Variants in IQSEC1 observed in about 807,000 individuals in gnomAD.
The protein encoded by IQSEC1 is IQ motif and Sec7 domain ArfGEF 1.
In IQSEC1, 31 loss-of-function variants were observed where a neutral mutation model predicts 91.0. That is an observed-to-expected ratio of 0.34 (90% CI 0.26 to 0.46). The LOEUF (loss-of-function observed/expected upper bound fraction) is 0.46, where lower values mean the gene tolerates loss of function less well. Among genes scored for constraint, IQSEC1 ranks in the 20% least tolerant of loss-of-function variants. The pLI is 1.00. For synonymous variants in IQSEC1, 699 were observed against 662.6 expected (o/e 1.05, Z -0.84); for missense variants, 1,388 against 1,575.6 (o/e 0.88, Z 2.02).
At chr3:13,152,228 G>A (rs1361922452) in intron 2 of IQSEC1, among the ~76,000 whole-genome samples, 2 of 152,150 alleles carry the variant, frequency 1.3e-5, no homozygotes, top group Non-Finnish European at 2.9e-5. Flanking sequence ...CTTTGACCTA[G>A]TAATTCTACT....
chr3:13,183,436 C>T (rs1240645090), intron 1 of IQSEC1, among the ~76,000 whole-genome samples: 2 of 143,194 alleles, frequency 1.4e-5, no homozygotes, highest in South Asian at 2.1e-4. Flanking sequence ...CATGGTGGTG[C>T]AGGCCTGTGG....
At chr3:12,986,268 C>T (rs1175708676) in intron 1 of IQSEC1, among the ~76,000 whole-genome samples, 2 of 152,190 alleles carry the variant, frequency 1.3e-5, no homozygotes, top group Non-Finnish European at 2.9e-5. Flanking sequence ...TTTGTCCCGA[C>T]TTTTTCCCCA....
chr3:12,967,297 AC>A lies in IQSEC1; in HGVS notation c.24-25433del, dbSNP rs1700641489. On this transcript the variant is annotated intron_variant, in intron 1 of 13. Transcript: ENST00000613206. This position sits in a 1 kb window ranked among gnomAD's most constrained non-coding sequence, Gnocchi z 5.9. Reference sequence around the variant, plus strand: ...CGCCGGGCGCCCGGTCCCGACGGTCACCCGCACTCCCGCACAGGCATCCCCA... The same window carrying A: ...CGCCGGGCGCCCGGTCCCGACGGTCACCGCACTCCCGCACAGGCATCCCCA... 1 of 1,169,294 alleles carries A rather than the reference AC, an allele frequency of 8.6e-7. No homozygotes were observed. The highest frequency in any genetic ancestry group is 1.2e-6 in the Non-Finnish European group (1 of 848,266). 72.4% of individuals were successfully genotyped at this position (1,169,294 alleles called of 1,614,324 possible).
At position 12,920,561 on chromosome 3, in the gene IQSEC1, C is replaced by T. The variant is rs1053747701; in HGVS notation, c.1889G>A (p.Arg630Gln). 4.3e-6 allele frequency: 7 copies of T among 1,614,124 alleles called. No homozygotes were observed. The highest frequency in any genetic ancestry group is 1.1e-5 in the South Asian group (1 of 91,088). ...RYCICNPGVV[R>Q]QFRNPDTIFI... ...AATGGTGTCTGGGTTCCGGAATTGC[C>T]GCACCACCCCAGGGTTGCAGATGCA... Residue 630 changes from arginine to glutamine, a missense_variant, in exon 6 of 14, where the codon CGG (arginine) becomes CAG (glutamine). Arg to Gln is a conservative substitution (Grantham distance 43). This residue lies in a region of IQSEC1 where 1,059 missense variants were observed against 1,317.8 expected (regional missense o/e 0.80). Transcript: ENST00000613206.
chr3:13,124,831 C>T (rs1039370216), intron 2 of IQSEC1, among the ~76,000 whole-genome samples: 3 of 152,164 alleles, frequency 2.0e-5, no homozygotes, highest in African/African-American at 4.8e-5. Context: ...CCAGTGGCTG[C>T]CTTCAGCCCC....
chr3:13,202,895 G>C (rs138016021), intron 1 of IQSEC1, among the ~76,000 whole-genome samples: 1 of 152,122 alleles, frequency 6.6e-6, no homozygotes, highest in Admixed American at 6.6e-5. Context: ...TCAGTGTGCC[G>C]GGCGCCATTC....
rs1042092461 is a variant in IQSEC1 at position 13,066,499 on chromosome 3, T to A, written c.23+6493A>T. On this transcript the variant is annotated intron_variant, in intron 1 of 13. Transcript: ENST00000613206. ...AAGAGGCACAGGCTGGGCTGTGAGGTCTGAGGTGAAGGGGAAGAAGGGCAC... is the reference window on the plus strand; with the variant it reads ...AAGAGGCACAGGCTGGGCTGTGAGGACTGAGGTGAAGGGGAAGAAGGGCAC... Among the ~76,000 whole-genome samples the A allele has an allele frequency of 9.2e-5, 14 of 152,040 alleles. No homozygotes were observed. The East Asian group carries it at 2.5e-3, about 27-fold the overall frequency.
At chr3:13,072,951 T>C in intron 1 of IQSEC1, 41 bp downstream of exon 1, 2 of 1,534,210 alleles carry the variant, frequency 1.3e-6, no homozygotes, top group South Asian at 2.4e-5. Flanking sequence ...CGGGCCCCTC[T>C]GGCCTCTGGC....
At chr3:13,144,707 C>T (rs762889367) in intron 2 of IQSEC1, among the ~76,000 whole-genome samples, 3 of 152,246 alleles carry the variant, frequency 2.0e-5, no homozygotes, top group Admixed American at 6.5e-5. Flanking sequence ...GTGGCTCCCA[C>T]GGCTGCCACT....
intron 2 of IQSEC1, among the ~76,000 whole-genome samples, chr3:13,138,911 A>T (rs6792150): frequency 0.27 from 40,641 of 151,652 alleles, 5,649 homozygotes; most frequent in South Asian, 0.45. Context: ...CCCCCTCCAG[A>T]TGTTCATGGC....
At chr3:13,176,119 G>A (rs550691516) in intron 1 of IQSEC1, among the ~76,000 whole-genome samples, 95 of 152,276 alleles carry the variant, frequency 6.2e-4, no homozygotes, top group Non-Finnish European at 1.3e-3. Flanking sequence ...AGAGCTCCAC[G>A]TTGCTCTCCT....
intron 2 of IQSEC1, among the ~76,000 whole-genome samples, chr3:13,091,406 G>T (rs1705859035): frequency 6.6e-6 from 1 of 152,242 alleles, no homozygotes; most frequent in African/African-American, 2.4e-5. Flanking sequence ...ATGAATGAGG[G>T]AGTTTGTTTA....
At chr3:13,134,063 A>G (rs1203168696) in intron 2 of IQSEC1, among the ~76,000 whole-genome samples, 1 of 152,238 alleles carries the variant, frequency 6.6e-6, no homozygotes, top group African/African-American at 2.4e-5. Context: ...AAAATGGGTC[A>G]GTGGAAAGAA....
At chr3:12,991,322 C>A (rs981341746) in intron 1 of IQSEC1, among the ~76,000 whole-genome samples, 1 of 152,146 alleles carries the variant, frequency 6.6e-6, no homozygotes, top group South Asian at 2.1e-4. Context: ...CAGGGCGAGG[C>A]GGGGGCCCAG....
chr3:12,945,417 T>TC (rs1699116144), intron 1 of IQSEC1, among the ~76,000 whole-genome samples: 1 of 149,848 alleles, frequency 6.7e-6, no homozygotes, highest in South Asian at 2.1e-4. Flanking sequence ...GTCCTGGGGG[T>TC]CATCAGTTTA....
chr3:12,965,420 C>A (rs144977520), intron 1 of IQSEC1, among the ~76,000 whole-genome samples: 1 of 152,378 alleles, frequency 6.6e-6, no homozygotes, highest in East Asian at 1.9e-4. Flanking sequence ...TCTAGCTCTG[C>A]CTCCACAGGC....
At chr3:13,010,820 G>A (rs1249290938) in intron 1 of IQSEC1, among the ~76,000 whole-genome samples, 1 of 152,046 alleles carries the variant, frequency 6.6e-6, no homozygotes, top group African/African-American at 2.4e-5. Context: ...CTTCCTTTTT[G>A]TCCTGAACTC....
chr3:12,980,470 CATAA>C (rs1701397795), intron 1 of IQSEC1, among the ~76,000 whole-genome samples: 2 of 152,228 alleles, frequency 1.3e-5, no homozygotes, highest in South Asian at 4.1e-4. Flanking sequence ...TAGCAATTTC[CATAA>C]ATAACTGTAA....
chr3:13,109,381 G>C (rs1413251303), intron 2 of IQSEC1, among the ~76,000 whole-genome samples: 1 of 152,110 alleles, frequency 6.6e-6, no homozygotes. Context: ...TGGATAGACA[G>C]AGCCCTCGAT....
Sources: allele counts gnomAD v4.1 joint callset (sites outside exome capture counted in the v4.1 genomes callset), GRCh38; gene constraint gnomAD v4.1.1; regional missense constraint gnomAD v4.1.1; non-coding constraint Gnocchi (gnomAD v3.1); transcripts MANE v1.5; gene names NCBI Gene and HGNC (gene_info 2026-07-23, HGNC 2026-07-21).